The following SMAD2 variants were observed in gnomAD, a reference collection of about 807,000 sequenced individuals.
SMAD2 encodes MAD homolog 2.
SMAD2 carries 8 observed loss-of-function variants against 64.4 expected under a neutral mutation model. The observed-to-expected ratio is 0.12, with a 90% CI of 0.07 to 0.22. The LOEUF is 0.22. Ranked by LOEUF, SMAD2 falls within the 10% of genes least tolerant of loss-of-function variation. The pLI, the probability that SMAD2 is intolerant of heterozygous loss-of-function variation, is 1.00. For synonymous variants in SMAD2, 203 were observed against 195.8 expected (o/e 1.04, Z -0.31); for missense variants, 289 against 561.2 (o/e 0.51, Z 4.90).
At chr18:47,903,327 C>A (rs1206422293) in intron 1 of SMAD2, among the ~76,000 whole-genome samples, 1 of 150,910 alleles carries the variant, frequency 6.6e-6, no homozygotes, top group Non-Finnish European at 1.5e-5. Context: ...AGAAAGATGT[C>A]TCACTGGGCA....
intron 6 of SMAD2, among the ~76,000 whole-genome samples, chr18:47,861,699 T>C (rs886262113): frequency 2.0e-5 from 3 of 152,244 alleles, no homozygotes; most frequent in African/African-American, 7.2e-5. Context: ...TCCTATTTTA[T>C]AGAGCTGATC....
rs770262680 is a variant in SMAD2 at position 47,837,238 on chromosome 18, A to C, written c.*4589T>G. On this transcript the variant is annotated 3_prime_UTR_variant, in exon 11 of 11. Coordinates refer to ENST00000262160, the MANE Select transcript of SMAD2 (RefSeq NM_005901.6). ...TGTTCCTTTTTTGTTAATAAGTTCA[A>C]AGGAGAGAAACATTCTGATATATGC... The C allele has an allele frequency of 5.6e-5, 11 of 196,914 alleles. No homozygotes were observed. Among genetic ancestry groups the C allele is most frequent in the Non-Finnish European group, 1.2e-4 (11 of 95,072 alleles). 12.2% of individuals were successfully genotyped at this position (196,914 alleles called of 1,614,324 possible).
chr18:47,828,998 T>C lies in SMAD2; in HGVS notation c.*12829A>G, dbSNP rs1293237564. 1 of 136,644 alleles carries C rather than the reference T, an allele frequency of 7.3e-6. No individual in the cohort carries two copies. Among genetic ancestry groups the C allele is most frequent in the African/African-American group, 2.8e-5 (1 of 36,104 alleles). The allele number at this position is 136,644 out of a possible 1,614,324, so 8.5% of individuals were successfully genotyped here. ...CAAGTTGAGACCAAAGACTGTGCTA[T>C]TATGGGGTGGAGAAAAGTATCACAA... On this transcript the variant is annotated 3_prime_UTR_variant, in exon 11 of 11. Coordinates refer to ENST00000262160, the MANE Select transcript of SMAD2 (RefSeq NM_005901.6).
At chr18:47,866,495 C>A (rs2031571313) in intron 5 of SMAD2, among the ~76,000 whole-genome samples, 1 of 151,808 alleles carries the variant, frequency 6.6e-6, no homozygotes, top group South Asian at 2.1e-4. Flanking sequence ...AAATTATCTT[C>A]ATATACTCAA....
chr18:47,906,613 A>T (rs2033913808), intron 1 of SMAD2, among the ~76,000 whole-genome samples: 1 of 152,202 alleles, frequency 6.6e-6, no homozygotes. Flanking sequence ...CTGCTGCTGT[A>T]ACAAATAATC....
In SMAD2 at chr18:47,855,648, G is replaced by T. The variant is rs2030609407; in HGVS notation, c.731-4321C>A. On this transcript the variant is annotated intron_variant, in intron 6 of 10. Transcript: ENST00000262160. ...TACTTTTTTCTTTTTTTCAGATGGG[G>T]TCTCACTCTGTCACCCAGGTTGGAG... Among the ~76,000 whole-genome samples the T allele has an allele frequency of 2.6e-5, 4 of 151,912 alleles. No individual in the cohort carries two copies. In the South Asian group the frequency reaches 8.4e-4, roughly 32 times the overall value.
intron 1 of SMAD2, among the ~76,000 whole-genome samples, chr18:47,900,975 C>T (rs2033660106): frequency 6.6e-6 from 1 of 152,116 alleles, no homozygotes; most frequent in Admixed American, 6.6e-5. Context: ...TTGTTCATGG[C>T]CCTAGCTTAT....
At chr18:47,848,912 A>G (rs1424982527) in intron 7 of SMAD2, among the ~76,000 whole-genome samples, 3 of 152,124 alleles carry the variant, frequency 2.0e-5, no homozygotes, top group Admixed American at 6.5e-5. Context: ...GATTTTTTCA[A>G]ATTTCTCCCA....
chr18:47,862,958 G>A (rs2031294108), intron 6 of SMAD2, among the ~76,000 whole-genome samples: 1 of 150,646 alleles, frequency 6.6e-6, no homozygotes, highest in South Asian at 2.1e-4. Context: ...TATAAAGGAA[G>A]AATAAAGTCT....
In SMAD2 at chr18:47,838,513, G is replaced by T. The variant is rs371498804; in HGVS notation, c.*3314C>A. On this transcript the variant is annotated 3_prime_UTR_variant, in exon 11 of 11. Coordinates refer to ENST00000262160, the MANE Select transcript of SMAD2 (RefSeq NM_005901.6). ...CAATAAATGTTTACTAACTGAATGT[G>T]TATTATAAGGTATAATCGGTATAAC... is the stretch of plus-strand genomic sequence containing the variant. The T allele has an allele frequency of 5.6e-5, 13 of 232,884 alleles. No homozygotes were observed. Among genetic ancestry groups the T allele is most frequent in the East Asian group, 5.4e-4 (9 of 16,604 alleles). 14.4% of individuals were successfully genotyped at this position (232,884 alleles called of 1,614,324 possible).
At chr18:47,864,310 C>T (rs1393849647) in intron 6 of SMAD2, among the ~76,000 whole-genome samples, 2 of 152,122 alleles carry the variant, frequency 1.3e-5, no homozygotes, top group African/African-American at 4.8e-5. Context: ...TAACCCCTCC[C>T]TCCCCCACCA....
At chr18:47,845,122 A>G (rs183165816) in intron 10 of SMAD2, 100 of 626,188 alleles carry the variant, frequency 1.6e-4, no homozygotes, top group Non-Finnish European at 2.7e-4. Context: ...GAATTACGTT[A>G]AAATGCACGC....
intron 6 of SMAD2, among the ~76,000 whole-genome samples, chr18:47,857,856 T>A (rs1032075291): frequency 2.0e-5 from 3 of 152,198 alleles, no homozygotes; most frequent in African/African-American, 7.2e-5. Context: ...GCATAGGAAG[T>A]CCTGGGCAAG....
At chr18:47,886,566 T>C (rs1277664763) in intron 2 of SMAD2, among the ~76,000 whole-genome samples, 2 of 124,208 alleles carry the variant, frequency 1.6e-5, no homozygotes, top group Non-Finnish European at 1.7e-5. Flanking sequence ...TATCTATATC[T>C]ATCCATCTAT....
chr18:47,927,484 T>C lies in SMAD2; in HGVS notation c.-54+2877A>G, dbSNP rs56229381. Reference sequence around the variant, plus strand: ...GGCAAGGGACATGAGTTTCCACTTTTCTAACTCCATTAAGGAACAGGGGTG... The same window carrying C: ...GGCAAGGGACATGAGTTTCCACTTTCCTAACTCCATTAAGGAACAGGGGTG... On this transcript the variant is annotated intron_variant, in intron 1 of 10. Transcript: ENST00000262160. 3.6e-3 allele frequency among the ~76,000 whole-genome samples: 546 copies of C among 152,356 alleles called. 4 individuals are homozygous for C. Among genetic ancestry groups the C allele is most frequent in the African/African-American group, 0.013 (530 of 41,580 alleles).
chr18:47,905,860 C>G lies in SMAD2; in HGVS notation c.-53-9051G>C, dbSNP rs149940544. On this transcript the variant is annotated intron_variant, in intron 1 of 10. Transcript: ENST00000262160. Reference sequence around the variant, plus strand: ...CGCATGGTGGCTCACACCTGTAATCCCAGCACTTTGGGAGGCCAAAATAGG... The same window carrying G: ...CGCATGGTGGCTCACACCTGTAATCGCAGCACTTTGGGAGGCCAAAATAGG... 1.4e-3 allele frequency among the ~76,000 whole-genome samples: 211 copies of G among 152,230 alleles called. 1 individual carries two copies. The highest frequency in any genetic ancestry group is 3.4e-3 in the Middle Eastern group (1 of 294).
rs11082636 is a variant in SMAD2, at chr18:47,838,114, C to A, written c.*3713G>T. 257 of 232,960 alleles carry A rather than the reference C, an allele frequency of 1.1e-3. No individual in the cohort carries two copies. Among genetic ancestry groups the A allele is most frequent in the African/African-American group, 5.5e-3 (249 of 45,396 alleles). 14.4% of individuals were successfully genotyped at this position (232,960 alleles called of 1,614,324 possible). ...GATTTCAACTAGCAAGAGACTAAGA[C>A]TGATGTTTGTTTGTTTGTTTTACCT... On this transcript the variant is annotated 3_prime_UTR_variant, in exon 11 of 11. Transcript: ENST00000262160.
intron 1 of SMAD2, among the ~76,000 whole-genome samples, chr18:47,913,855 A>C (rs936732482): frequency 2.0e-5 from 3 of 152,244 alleles, no homozygotes; most frequent in Non-Finnish European, 4.4e-5. Flanking sequence ...TTGAAATCTA[A>C]GTTCAGACAC....
intron 1 of SMAD2, among the ~76,000 whole-genome samples, chr18:47,906,329 T>C (rs1181266921): frequency 2.6e-5 from 4 of 152,126 alleles, no homozygotes; most frequent in African/African-American, 9.7e-5. Context: ...GCATTTTGGA[T>C]AAGGGATACT....
Sources: allele counts gnomAD v4.1 joint callset (sites outside exome capture counted in the v4.1 genomes callset), GRCh38; gene constraint gnomAD v4.1.1; transcripts MANE v1.5; gene names NCBI Gene and HGNC (gene_info 2026-07-23, HGNC 2026-07-21).